The following RBM28 variants were observed in gnomAD, a reference collection of about 807,000 sequenced individuals.
RBM28 encodes the protein RNA-binding protein 28.
Under a neutral mutation model 98.3 loss-of-function variants are expected in RBM28, and 78 were observed. The ratio of observed to expected loss-of-function variants is 0.79; its 90% CI spans 0.66 to 0.96. The LOEUF (loss-of-function observed/expected upper bound fraction) is 0.96, where lower values mean the gene tolerates loss of function less well. Ranked by LOEUF, RBM28 falls within the 40% of genes least tolerant of loss-of-function variation. RBM28 has a pLI of 0.00. For missense variants in RBM28, 838 were observed against 913.0 expected (o/e 0.92, Z 1.06); for synonymous variants, 306 against 330.9 (o/e 0.92, Z 0.82).
chr7:128,324,795 C>T, intron 11 of RBM28, 101 bp from the exon 12 acceptor site: 1 of 1,527,852 alleles, frequency 6.5e-7, no homozygotes, highest in Non-Finnish European at 9.0e-7. Flanking sequence ...AGGTGGATCA[C>T]CTGAGGTCAG....
chr7:128,343,631 G>A (rs769938088), intron 1 of RBM28, 45 bp downstream of exon 1: 1 of 1,438,784 alleles, frequency 7.0e-7, no homozygotes. Context: ...AGGTGCCCTC[G>A]ATCGCAGGAA....
At chr7:128,339,439 A>G in intron 2 of RBM28, 118 bp from the exon 3 acceptor site, 3 of 1,132,894 alleles carry the variant, frequency 2.6e-6, no homozygotes, top group Non-Finnish European at 3.9e-6. Flanking sequence ...TAAGTGTGGC[A>G]ATAATACCAA....
chr7:128,316,217 C>A (rs1351907766), intron 16 of RBM28, among the ~76,000 whole-genome samples: 1 of 151,944 alleles, frequency 6.6e-6, no homozygotes, highest in Non-Finnish European at 1.5e-5. Flanking sequence ...ACAAATAAAC[C>A]AAAGTAAAAA....
intron 6 of RBM28, 92 bp downstream of exon 6, chr7:128,337,039 T>G (rs1796615581): frequency 7.1e-7 from 1 of 1,400,700 alleles, no homozygotes; most frequent in Non-Finnish European, 1.0e-6. Context: ...CCAGCCTTTT[T>G]CTTACACTTT....
chr7:128,313,295 G>A (rs764995339), intron 17 of RBM28, 21 bp from the exon 18 acceptor site: 3 of 1,598,720 alleles, frequency 1.9e-6, no homozygotes, highest in Admixed American at 1.7e-5. Context: ...ATGGCTGAGT[G>A]TCACCTTGAG....
chr7:128,314,820 A>G lies in RBM28; in HGVS notation c.1989T>C (p.Asp663=). The change falls in exon 17 of 19, where the codon GAT becomes GAC. Residue 663 remains aspartate, a synonymous_variant. Coordinates refer to ENST00000223073, the MANE Select transcript of RBM28 (RefSeq NM_018077.3). ...KAEVEQVELP[D]GKKRRKVLAL... The stretch of plus-strand genomic sequence containing the variant: ...CCAGGACCTTTCTTCTCTTCTTTCC[A>G]TCAGGCAGCTCCACCTGCTCCACTT... 4.3e-6 allele frequency: 7 copies of G among 1,614,022 alleles called. No individual in the cohort carries two copies. The highest frequency in any genetic ancestry group is 5.9e-6 in the Non-Finnish European group (7 of 1,179,994).
At chr7:128,316,558 C>G (rs948957577) in intron 16 of RBM28, among the ~76,000 whole-genome samples, 2 of 152,028 alleles carry the variant, frequency 1.3e-5, no homozygotes, top group African/African-American at 4.8e-5. Flanking sequence ...TAAAAAAATA[C>G]AAAAATTAGC....
intron 1 of RBM28, 123 bp from the exon 2 acceptor site, chr7:128,339,914 C>G: frequency 8.5e-7 from 1 of 1,178,642 alleles, no homozygotes; most frequent in Non-Finnish European, 1.2e-6. Flanking sequence ...GCCAACCCAT[C>G]TTGCTATCAG....
Position 128,317,998 on chromosome 7 carries a change from G to A in RBM28, c.1672C>T (p.Arg558Cys), listed in dbSNP as rs751906113. ...ATTTCTGGATTGTTGTTGATGAGGC[G>A]GAGGGCTTTCAGGGCATGCTCGTGC... ...QEHEHALKAL[R>C]LINNNPEIFG... Residue 558 changes from arginine to cysteine, a missense_variant, in exon 15 of 19, where the codon CGC becomes TGC. By Grantham distance (180) the Arg-to-Cys change is radical (BLOSUM62 -3). Transcript: ENST00000223073. The A allele has an allele frequency of 2.5e-5, 40 of 1,614,094 alleles. No individual in the cohort carries two copies. The highest frequency in any genetic ancestry group is 4.4e-5 in the South Asian group (4 of 91,090).
At position 128,310,649 on chromosome 7, in the gene RBM28, T is replaced by C. The variant is rs768387353; in HGVS notation, c.*148A>G. Reference sequence around the variant, plus strand: ...ATCAAAGGATGGACCAAAGTTCAGATGTACACAGTCCAGGGCACCTCCGAG... The same window carrying C: ...ATCAAAGGATGGACCAAAGTTCAGACGTACACAGTCCAGGGCACCTCCGAG... On this transcript the variant is annotated 3_prime_UTR_variant, in exon 19 of 19. Transcript: ENST00000223073. 1 of 995,348 alleles carries C rather than the reference T, an allele frequency of 1.0e-6. No individual in the cohort carries two copies. 61.7% of individuals were successfully genotyped at this position (995,348 alleles called of 1,614,324 possible).
rs1225979223 is a variant in RBM28 at position 128,339,746 on chromosome 7, A to C, written c.164T>G (p.Leu55Arg). The change falls in exon 2 of 19, where the codon CTG (leucine) becomes CGG (arginine). Residue 55 changes from leucine (L) to arginine (R), a missense_variant. By Grantham distance (102) the Leu-to-Arg change is moderately radical. Transcript: ENST00000223073. ...RGFGYVTFSMLEDVQRALKEI... is the reference protein window; with the variant it reads ...RGFGYVTFSMREDVQRALKEI... ...CTTGAGGGCCCTCTGAACATCTTCC[A>C]GCATTGAAAAAGTGACATAGCCAAA... 1.9e-6 allele frequency: 3 copies of C among 1,613,934 alleles called. No individual in the cohort carries two copies. Among genetic ancestry groups the C allele is most frequent in the Non-Finnish European group, 2.5e-6 (3 of 1,179,928 alleles).
intron 12 of RBM28, 143 bp downstream of exon 12, chr7:128,324,416 A>G: frequency 8.3e-7 from 1 of 1,207,174 alleles, no homozygotes; most frequent in Non-Finnish European, 1.2e-6. Flanking sequence ...CACATTTATT[A>G]AAGTGGAATG....
chr7:128,317,105 A>C (rs547904493), intron 16 of RBM28, among the ~76,000 whole-genome samples: 1 of 152,222 alleles, frequency 6.6e-6, no homozygotes. Context: ...GTCCTCAGCA[A>C]TCATGTGAGG....
intron 10 of RBM28, 121 bp downstream of exon 10, chr7:128,330,698 A>C: frequency 3.8e-6 from 3 of 789,984 alleles, no homozygotes; most frequent in Admixed American, 3.7e-5. Context: ...AGAACCCAGA[A>C]ACCTGGGCTG....
chr7:128,338,239 A>G lies in RBM28; in HGVS notation c.541+11T>C, dbSNP rs1743580077. ...ATATCTGGGTCAATGATATGGGTAT[A>G]GAAAGCTTACCTTTTATCTCTTTCA... On this transcript the variant is annotated intron_variant, in intron 5 of 18. Coordinates refer to ENST00000223073, the MANE Select transcript of RBM28 (RefSeq NM_018077.3). 15 of 1,604,920 alleles carry G rather than the reference A, an allele frequency of 9.3e-6. No homozygotes were observed. Among genetic ancestry groups the G allele is most frequent in the Non-Finnish European group, 1.2e-5 (14 of 1,171,566 alleles).
chr7:128,339,443 A>C, intron 2 of RBM28, 122 bp from the exon 3 acceptor site: 2 of 1,093,564 alleles, frequency 1.8e-6, no homozygotes, highest in Non-Finnish European at 2.7e-6. Flanking sequence ...TGTGGCAATA[A>C]TACCAAGGAA....
chr7:128,324,742 A>C, intron 11 of RBM28, 48 bp from the exon 12 acceptor site: 1 of 1,612,728 alleles, frequency 6.2e-7, no homozygotes. Context: ...GGCCGGGCAC[A>C]GTGGCTCACA....
chr7:128,313,305 G>C (rs1312118346), intron 17 of RBM28, 31 bp from the exon 18 acceptor site: 2 of 1,592,036 alleles, frequency 1.3e-6, no homozygotes, highest in Non-Finnish European at 1.7e-6. Context: ...GTCACCTTGA[G>C]TCCTTCTTCT....
intron 17 of RBM28, 29 bp downstream of exon 17, chr7:128,314,735 T>C: frequency 6.2e-7 from 1 of 1,614,150 alleles, no homozygotes; most frequent in Non-Finnish European, 8.5e-7. Context: ...CCACCCACTG[T>C]TCTGTGCTTC....
Sources: allele counts gnomAD v4.1 joint callset (sites outside exome capture counted in the v4.1 genomes callset), GRCh38; gene constraint gnomAD v4.1.1; transcripts MANE v1.5; gene names NCBI Gene and HGNC (gene_info 2026-07-23, HGNC 2026-07-21).